Variants in CACNB4 observed in about 807,000 individuals in gnomAD.
CACNB4 encodes the protein voltage-dependent L-type calcium channel subunit beta-4.
Under a neutral mutation model 71.2 loss-of-function variants are expected in CACNB4, and 32 were observed. The observed-to-expected ratio is 0.45, with a 90% confidence interval of 0.34 to 0.60. CACNB4 has a LOEUF of 0.60. Ranked by LOEUF, CACNB4 falls within the 20% of genes least tolerant of loss-of-function variation. The probability of loss-of-function intolerance (pLI) is 0.01; values close to 1 mark genes in which losing one functional copy is unlikely to be tolerated. For synonymous variants in CACNB4, 231 were observed against 236.9 expected, an observed-to-expected ratio of 0.97 and a Z score of 0.23; for missense variants, 464 against 647.9, an observed-to-expected ratio of 0.72 and a Z score of 3.08.
intron 2 of CACNB4, among the ~76,000 whole-genome samples, chr2:152,062,648 C>A (rs547009715): frequency 1.3e-5 from 2 of 152,226 alleles, no homozygotes; most frequent in African/African-American, 2.4e-5. Context: ...GAGCACTGAA[C>A]GTGGAACGGC....
At chr2:151,985,872 C>T (rs569251556) in intron 2 of CACNB4, among the ~76,000 whole-genome samples, 27 of 152,080 alleles carry the variant, frequency 1.8e-4, no homozygotes, top group Non-Finnish European at 2.2e-4. Context: ...CTCTCAACAA[C>T]GGCAGAAAAT....
intron 2 of CACNB4, among the ~76,000 whole-genome samples, chr2:152,080,868 A>G (rs1182840874): frequency 1.3e-5 from 2 of 152,188 alleles, no homozygotes; most frequent in East Asian, 1.9e-4. Context: ...GTTTTTTAAA[A>G]GAGTGTGGCA....
At chr2:151,976,076 T>TG (rs1466014840) in intron 2 of CACNB4, among the ~76,000 whole-genome samples, 1 of 152,238 alleles carries the variant, frequency 6.6e-6, no homozygotes. Flanking sequence ...GGTACCCTAA[T>TG]GCATGCAGTC....
intron 2 of CACNB4, among the ~76,000 whole-genome samples, chr2:151,944,234 T>C (rs928617843): frequency 6.6e-6 from 1 of 151,848 alleles, no homozygotes; most frequent in Non-Finnish European, 1.5e-5. Context: ...GAGATGGAGT[T>C]TCGCTTTGTT....
At chr2:151,910,948 A>G (rs1469304093) in intron 2 of CACNB4, among the ~76,000 whole-genome samples, 1 of 151,986 alleles carries the variant, frequency 6.6e-6, no homozygotes, top group Non-Finnish European at 1.5e-5. Flanking sequence ...ATGTTTTTCC[A>G]TTTGTTTGTG....
rs536023357 is a variant in CACNB4, at chr2:151,884,561, G to A, written c.148-1191C>T. Reference sequence around the variant, plus strand: ...GAGGCAGGAGAATGGCGTGAACCCCGGAGGCGGAGCTTGCAGTGAGCTGAG... The same window carrying A: ...GAGGCAGGAGAATGGCGTGAACCCCAGAGGCGGAGCTTGCAGTGAGCTGAG... On this transcript the variant is annotated intron_variant, in intron 2 of 13. Transcript: ENST00000539935. Among the ~76,000 whole-genome samples the A allele has an allele frequency of 2.8e-3, 419 of 147,988 alleles. 19 individuals carry two copies. The South Asian group carries it at 0.082, about 29-fold the overall frequency.
At chr2:152,046,063 T>C (rs1040345328) in intron 2 of CACNB4, among the ~76,000 whole-genome samples, 2 of 152,176 alleles carry the variant, frequency 1.3e-5, no homozygotes, top group Admixed American at 1.3e-4. Context: ...AAAAATAAAT[T>C]GATCATATAG....
chr2:152,059,629 G>A (rs1685902433), intron 2 of CACNB4, among the ~76,000 whole-genome samples: 1 of 152,222 alleles, frequency 6.6e-6, no homozygotes, highest in Admixed American at 6.5e-5. Flanking sequence ...CAGGCTCATA[G>A]GCAGAAGGGA....
At chr2:151,880,519 G>A (rs1267472065) in intron 4 of CACNB4, 6 of 419,146 alleles carry the variant, frequency 1.4e-5, no homozygotes, top group Middle Eastern at 6.5e-4. Flanking sequence ...GTCACAGAAG[G>A]GGATTTAAAG....
chr2:151,849,562 C>T (rs2099838502), intron 12 of CACNB4, among the ~76,000 whole-genome samples: 1 of 152,184 alleles, frequency 6.6e-6, no homozygotes. Context: ...AGGCACTCAC[C>T]ATGCACCCAG....
chr2:151,937,834 C>G (rs542476145), intron 2 of CACNB4, among the ~76,000 whole-genome samples: 3 of 152,162 alleles, frequency 2.0e-5, no homozygotes, highest in Non-Finnish European at 4.4e-5. Context: ...GGTTAGAGGG[C>G]ACTTTAGAGA....
intron 2 of CACNB4, among the ~76,000 whole-genome samples, chr2:151,924,277 A>G (rs2099859691): frequency 6.6e-6 from 1 of 151,150 alleles, no homozygotes; most frequent in African/African-American, 2.4e-5. Flanking sequence ...ATGGGGTTTC[A>G]CCGTGTTAGC....
In CACNB4 at chr2:152,011,163, T is replaced by A. The variant is rs75996060; in HGVS notation, c.147+87167A>T. ...GTAGCAAGGTCTGCATCTGTACAGG[T>A]GAGAGCCCACCTATCATTGAGATGA... is the stretch of plus-strand genomic sequence containing the variant. On this transcript the variant is annotated intron_variant, in intron 2 of 13. Coordinates refer to ENST00000539935, the MANE Select transcript of CACNB4 (RefSeq NM_000726.5). Among the ~76,000 whole-genome samples, 3 of 152,258 alleles carry A rather than the reference T, an allele frequency of 2.0e-5. No homozygotes were observed. The East Asian group carries it at 5.8e-4, about 29-fold the overall frequency.
chr2:152,075,382 C>T (rs2105390905), intron 2 of CACNB4, among the ~76,000 whole-genome samples: 1 of 152,256 alleles, frequency 6.6e-6, no homozygotes, highest in South Asian at 2.1e-4. Flanking sequence ...CACTGCAAAA[C>T]AATGTGAGAG....
chr2:151,913,100 A>G (rs990419167), intron 2 of CACNB4, among the ~76,000 whole-genome samples: 1 of 152,150 alleles, frequency 6.6e-6, no homozygotes, highest in Non-Finnish European at 1.5e-5. Context: ...CAGCACACCA[A>G]TGGGTCTTGA....
chr2:151,897,646 C>T (rs905261807), intron 2 of CACNB4, among the ~76,000 whole-genome samples: 1 of 152,232 alleles, frequency 6.6e-6, no homozygotes, highest in East Asian at 1.9e-4. Flanking sequence ...GAGGTGGTTA[C>T]TCATACGAGA....
At chr2:151,933,176 C>CAA (rs142278220) in intron 2 of CACNB4, among the ~76,000 whole-genome samples, 15 of 145,702 alleles carry the variant, frequency 1.0e-4, no homozygotes, top group African/African-American at 3.7e-4. Context: ...CCATTAAAAA[C>CAA]AAAAAAAAAG....
intron 2 of CACNB4, among the ~76,000 whole-genome samples, chr2:152,096,607 T>C (rs942658145): frequency 7.9e-5 from 12 of 152,248 alleles, no homozygotes; most frequent in African/African-American, 2.7e-4. Context: ...TCCCATTTCA[T>C]AGATGAAATA....
chr2:152,094,647 C>T (rs1441134934), intron 2 of CACNB4, among the ~76,000 whole-genome samples: 2 of 152,112 alleles, frequency 1.3e-5, no homozygotes, highest in South Asian at 2.1e-4. Flanking sequence ...TACATGTCAC[C>T]GTACTGTTTG....
Sources: gnomAD v4.1 joint callset for allele counts (sites outside exome capture counted in the v4.1 genomes callset) on GRCh38, gnomAD v4.1.1 for gene constraint, MANE v1.5 for transcripts, NCBI Gene and HGNC (gene_info 2026-07-23, HGNC 2026-07-21) for gene names.